DACT2: variants seen among roughly 807,000 people sequenced by gnomAD.
DACT2 encodes the protein dapper homolog 2.
Under a neutral mutation model 22.2 loss-of-function variants are expected in DACT2, and 20 were observed. That is an observed-to-expected ratio of 0.90 (90% confidence interval 0.63 to 1.31). The LOEUF (loss-of-function observed/expected upper bound fraction) is 1.31. Ranked by LOEUF, DACT2 falls within the 50% of genes most tolerant of loss-of-function variation. The pLI is 0.00. For synonymous variants in DACT2, 463 were observed against 479.8 expected (o/e 0.96, Z 0.46); for missense variants, 1,048 against 1,061.4 (o/e 0.99, Z 0.18).
In DACT2 at chr6:168,307,094, G is replaced by C; in HGVS notation, c.*338C>G. Reference sequence around the variant, plus strand: ...TTGGGAAACACTTCCCCAGCCAGAGGGGAGTGAGGGCAGGGGAAGCCATGG... The same window carrying C: ...TTGGGAAACACTTCCCCAGCCAGAGCGGAGTGAGGGCAGGGGAAGCCATGG... On this transcript the variant is annotated 3_prime_UTR_variant, in exon 4 of 4. Coordinates refer to ENST00000366795, the MANE Select transcript of DACT2 (RefSeq NM_214462.5). The surrounding 1 kb of genome is among the most constrained non-coding windows in gnomAD (Gnocchi z 5.3). The C allele has an allele frequency of 9.2e-7, 1 of 1,084,944 alleles. No homozygotes were observed. Among genetic ancestry groups the C allele is most frequent in the South Asian group, 3.4e-5 (1 of 29,154 alleles). The allele number at this position is 1,084,944 out of a possible 1,614,324, so 67.2% of individuals were successfully genotyped here.
At chr6:168,306,011 T>C (rs7774716), downstream of DACT2, among the ~76,000 whole-genome samples, 5,406 of 152,316 alleles carry the variant, frequency 0.035, 292 homozygotes, top group African/African-American at 0.12. Context: ...CTGCCTCCAC[T>C]GTCTTCACTG....
At chr6:168,298,393 T>C (rs1411257034) in intron 3 of DACT2, 1 of 152,246 alleles carries the variant, frequency 6.6e-6, no homozygotes, top group Non-Finnish European at 1.5e-5. Context: ...TTTAAATACT[T>C]CAAAATTTTA....
At chr6:168,309,163 T>C in intron 3 of DACT2, 65 bp from the exon 4 acceptor site, 1 of 1,445,060 alleles carries the variant, frequency 6.9e-7, no homozygotes, top group East Asian at 2.5e-5. Flanking sequence ...GTTGATTTCA[T>C]TTCATGCGTG....
chr6:168,311,569 A>ACACACACAT (rs1562498471), intron 1 of DACT2, among the ~76,000 whole-genome samples: 1 of 62,834 alleles, frequency 1.6e-5, no homozygotes, highest in Non-Finnish European at 3.4e-5. Context: ...CTCACACACA[A>ACACACACAT]ACACACACAC....
intron 5 of DACT2, chr6:168,294,127 A>G (rs753905825): frequency 6.5e-5 from 46 of 703,018 alleles, no homozygotes; most frequent in Non-Finnish European, 1.1e-4. Flanking sequence ...AGCATGGAGC[A>G]CTTACCACTG....
At chr6:168,311,682 TCA>T (rs1175268432) in intron 1 of DACT2, among the ~76,000 whole-genome samples, 21 of 145,178 alleles carry the variant, frequency 1.4e-4, no homozygotes, top group African/African-American at 5.0e-4. Flanking sequence ...ACACACACAC[TCA>T]CACACACACA....
Position 168,308,361 on chromosome 6 carries a change from T to A in DACT2, c.1396A>T (p.Met466Leu). The change falls in exon 4 of 4, where the codon ATG (methionine) becomes TTG (leucine). Residue 466 changes from methionine to leucine, a missense_variant. By Grantham distance (15) the Met-to-Leu change is conservative. Transcript: ENST00000366795. ...GRGNIISPSR[M>L]LDKSPSPASG... ...GCCGGTGAGGGGCTCTTGTCCAGCA[T>A]CCTGGATGGGGATATGATGTTGCCT... is the stretch of plus-strand genomic sequence containing the variant. 2 of 1,551,948 alleles carry A rather than the reference T, an allele frequency of 1.3e-6. No individual in the cohort carries two copies. The highest frequency in any genetic ancestry group is 2.4e-5 in the South Asian group (2 of 84,068).
At chr6:168,306,586 G>A (rs929599139), downstream of DACT2, among the ~76,000 whole-genome samples, 1 of 151,534 alleles carries the variant, frequency 6.6e-6, no homozygotes, top group Non-Finnish European at 1.5e-5. Flanking sequence ...GGGATTACAG[G>A]TGCATGTCAC....
intron 3 of DACT2, among the ~76,000 whole-genome samples, chr6:168,296,386 C>A (rs373902600): frequency 2.1e-5 from 3 of 144,648 alleles, no homozygotes; most frequent in African/African-American, 7.8e-5. Flanking sequence ...CCATCCACAG[C>A]GGTGAGGAGA....
intron 4 of DACT2, chr6:168,294,562 T>TGC (rs1778972970): frequency 3.0e-6 from 1 of 332,412 alleles, no homozygotes; most frequent in Non-Finnish European, 4.0e-6. Flanking sequence ...TGTGTGTGTA[T>TGC]GTGTGTGTGT....
At chr6:168,313,996 G>A (rs528123227) in intron 1 of DACT2, among the ~76,000 whole-genome samples, 12 of 93,372 alleles carry the variant, frequency 1.3e-4, no homozygotes, top group Middle Eastern at 6.3e-3. Flanking sequence ...TTCACGCCGC[G>A]CTTGTAACCC....
intron 1 of DACT2, 69 bp downstream of exon 1, chr6:168,319,319 C>CGCT: frequency 8.6e-7 from 1 of 1,168,178 alleles, no homozygotes; most frequent in Non-Finnish European, 1.1e-6. Context: ...AACACACAGT[C>CGCT]GCTGCCGAAG....
At position 168,306,957 on chromosome 6, in the gene DACT2, G is replaced by T. The variant is rs1283250420; in HGVS notation, c.*475C>A. On this transcript the variant is annotated 3_prime_UTR_variant, in exon 4 of 4. Transcript: ENST00000366795. ...TATTTGAGATCATGGCATAATTTGG[G>T]TGTTTGTGTATGCTGACAGCTTAAC... 1.0e-6 allele frequency: 1 copy of T among 991,560 alleles called. No homozygotes were observed. The highest frequency in any genetic ancestry group is 1.7e-5 in the African/African-American group (1 of 57,340). The allele number at this position is 991,560 out of a possible 1,614,324, so 61.4% of individuals were successfully genotyped here.
chr6:168,293,223 C>A (rs1199152970), exon 6 of DACT2: 1 of 152,116 alleles, frequency 6.6e-6, no homozygotes, highest in East Asian at 1.9e-4. Context: ...AACACCATAA[C>A]CAAACATTGT....
At chr6:168,300,935 G>A (rs1294995324) in intron 3 of DACT2, among the ~76,000 whole-genome samples, 1 of 152,170 alleles carries the variant, frequency 6.6e-6, no homozygotes, top group Non-Finnish European at 1.5e-5. Flanking sequence ...GCAGTGAGCT[G>A]AGTTCGTGCC....
In DACT2 at chr6:168,309,449, T is replaced by TATA. The variant is rs1296728267; in HGVS notation, c.659-352_659-351insTAT. ...GACACAGGGTGCGGGGCCGTTTGCG[T>TATA]GTAGACACAGGGTGCGGGGCCCTAT... On this transcript the variant is annotated intron_variant, in intron 3 of 3. Transcript: ENST00000366795. 6.2e-4 allele frequency among the ~76,000 whole-genome samples: 94 copies of TATA among 151,926 alleles called. 2 individuals carry two copies. Among genetic ancestry groups the TATA allele is most frequent in the African/African-American group, 1.2e-3 (48 of 41,464 alleles).
Sources: allele counts gnomAD v4.1 joint callset (sites outside exome capture counted in the v4.1 genomes callset), GRCh38; gene constraint gnomAD v4.1.1; non-coding constraint Gnocchi (gnomAD v3.1); transcripts MANE v1.5; gene names NCBI Gene and HGNC (gene_info 2026-07-23, HGNC 2026-07-21).